The following SPA17 variants were observed in gnomAD, a reference collection of about 807,000 sequenced individuals.
The protein encoded by SPA17 is sperm autoantigenic protein 17, also known as sperm surface protein Sp17.
In SPA17, 7 loss-of-function variants were observed where a neutral mutation model predicts 13.8. That is an observed-to-expected ratio of 0.51 (90% confidence interval 0.29 to 0.95). The LOEUF is 0.95. Ranked by LOEUF, SPA17 falls within the 40% of genes least tolerant of loss-of-function variation. The pLI is 0.08. For missense variants in SPA17, 170 were observed against 179.3 expected (o/e 0.95, Z 0.30); for synonymous variants, 61 against 59.0 (o/e 1.03, Z -0.16).
intron 2 of SPA17, among the ~76,000 whole-genome samples, chr11:124,679,767 A>G (rs1435789050): frequency 6.6e-6 from 1 of 152,206 alleles, no homozygotes; most frequent in Non-Finnish European, 1.5e-5. Flanking sequence ...ACCAGAGAAC[A>G]AGGAAGCTAT....
intron 2 of SPA17, chr11:124,675,719 A>G (rs1471101348): frequency 1.3e-5 from 3 of 238,072 alleles, no homozygotes; most frequent in South Asian, 5.9e-5. Flanking sequence ...TCAGTGGGGG[A>G]AAAAAAGATC....
At chr11:124,677,527 A>G (rs1469330889) in intron 2 of SPA17, among the ~76,000 whole-genome samples, 2 of 152,228 alleles carry the variant, frequency 1.3e-5, no homozygotes, top group African/African-American at 2.4e-5. Flanking sequence ...AAGAAACCAT[A>G]CAGATACTAG....
chr11:124,691,141 C>G (rs1169299963), intron 3 of SPA17, among the ~76,000 whole-genome samples: 1 of 152,028 alleles, frequency 6.6e-6, no homozygotes, highest in African/African-American at 2.4e-5. Flanking sequence ...TGTGAATTAG[C>G]AATGAAGGAA....
chr11:124,677,181 C>T (rs1422550553), intron 2 of SPA17, among the ~76,000 whole-genome samples: 1 of 152,108 alleles, frequency 6.6e-6, no homozygotes, highest in Non-Finnish European at 1.5e-5. Context: ...CACCCAATTC[C>T]ACCCATGTCA....
intron 3 of SPA17, among the ~76,000 whole-genome samples, chr11:124,682,645 CA>C (rs1243088092): frequency 5.9e-5 from 9 of 151,494 alleles, no homozygotes; most frequent in Non-Finnish European, 1.3e-4. Flanking sequence ...CTAAGTGGAA[CA>C]AAAAAATTTT....
rs746710809 is a variant in SPA17 at position 124,675,339 on chromosome 11, C to T, written c.75C>T (p.Arg25=). 4 of 1,614,166 alleles carry T rather than the reference C, an allele frequency of 2.5e-6. No homozygotes were observed. The highest frequency in any genetic ancestry group is 3.4e-6 in the Non-Finnish European group (4 of 1,180,030). Residue 25 remains arginine (R), a synonymous_variant, in exon 2 of 5, where the codon CGC becomes CGT. Coordinates refer to ENST00000227135, the MANE Select transcript of SPA17 (RefSeq NM_017425.4). The part of the protein sequence containing the change: ...GFGNLLEGLT[R]EILREQPDNI... ...GGAATCTTCTTGAAGGGCTGACACGCGAGATTCTGAGAGAGCAACCGGACA... is the reference window on the plus strand; with the variant it reads ...GGAATCTTCTTGAAGGGCTGACACGTGAGATTCTGAGAGAGCAACCGGACA...
At chr11:124,691,892 A>T in intron 4 of SPA17, 110 bp downstream of exon 4, 1 of 607,316 alleles carries the variant, frequency 1.6e-6, no homozygotes, top group South Asian at 4.1e-5. Context: ...CAAAATTATG[A>T]CTTTACTTTC....
Position 124,694,522 on chromosome 11 carries a change from C to T in SPA17, c.*76C>T. On this transcript the variant is annotated 3_prime_UTR_variant, in exon 5 of 5. Coordinates refer to ENST00000227135, the MANE Select transcript of SPA17 (RefSeq NM_017425.4). ...ACCTTCTTATTAATGTCATTTCTTCCTGAGGAAGGAAGATTTGATGTTGTG... is the reference window on the plus strand; with the variant it reads ...ACCTTCTTATTAATGTCATTTCTTCTTGAGGAAGGAAGATTTGATGTTGTG... The T allele has an allele frequency of 6.6e-7, 1 of 1,514,250 alleles. No homozygotes were observed. The highest frequency in any genetic ancestry group is 8.9e-7 in the Non-Finnish European group (1 of 1,126,664). 93.8% of individuals were successfully genotyped at this position (1,514,250 alleles called of 1,614,324 possible). A position where few individuals can be genotyped will look rare whatever the true frequency, so the allele number is the denominator to read the frequency against.
chr11:124,695,547 A>G lies in SPA17; in HGVS notation c.*1101A>G, dbSNP rs1488528326. On this transcript the variant is annotated 3_prime_UTR_variant, in exon 5 of 5. Transcript: ENST00000227135. ...TGATTGTCCAAGAAACTGAGGGTTC[A>G]TGTCTTAGACCAAAGGGTGCAGTTC... 1 of 152,214 alleles carries G rather than the reference A, an allele frequency of 6.6e-6. No individual in the cohort carries two copies. Among genetic ancestry groups the G allele is most frequent in the Non-Finnish European group, 1.5e-5 (1 of 68,042 alleles). The allele number at this position is 152,214 out of a possible 1,614,324, so 9.4% of individuals were successfully genotyped here.
intron 3 of SPA17, among the ~76,000 whole-genome samples, chr11:124,690,691 A>T (rs1943616399): frequency 6.6e-6 from 1 of 152,252 alleles, no homozygotes; most frequent in Admixed American, 6.5e-5. Flanking sequence ...CATTTTTAAG[A>T]GATCACCAGA....
rs747080120 is a variant in SPA17, at chr11:124,681,439, T to C, written c.205T>C (p.Tyr69His). The C allele has an allele frequency of 6.3e-7, 1 of 1,585,784 alleles. No individual in the cohort carries two copies. The highest frequency in any genetic ancestry group is 2.3e-5 in the East Asian group (1 of 43,644). ...GGGGAGTAAGGTAGAAGACCGCTTC[T>C]ATAACAATCATGCATTCGAGGTATG... ...EWGSKVEDRFYNNHAFEEQEP... is the reference protein window; with the variant it reads ...EWGSKVEDRFHNNHAFEEQEP... The change falls in exon 3 of 5, where the codon TAT becomes CAT. Residue 69 changes from tyrosine to histidine, a missense_variant. By Grantham distance (83) the Tyr-to-His change is moderately conservative. Coordinates refer to ENST00000227135, the MANE Select transcript of SPA17 (RefSeq NM_017425.4).
chr11:124,678,974 G>T (rs1012528145), intron 2 of SPA17, among the ~76,000 whole-genome samples: 9 of 151,884 alleles, frequency 5.9e-5, no homozygotes, highest in South Asian at 2.1e-4. Flanking sequence ...CTTGAATTTC[G>T]AATCATAAAA....
chr11:124,675,580 A>G (rs975840850), intron 2 of SPA17, 162 bp downstream of exon 2: 31 of 650,716 alleles, frequency 4.8e-5, no homozygotes, highest in Non-Finnish European at 7.2e-5. Flanking sequence ...CCTCTTTGAT[A>G]TGTTCTCTTA....
intron 3 of SPA17, among the ~76,000 whole-genome samples, chr11:124,688,574 C>A (rs929424152): frequency 2.6e-5 from 4 of 152,072 alleles, no homozygotes; most frequent in African/African-American, 9.7e-5. Flanking sequence ...CTGATGAAAC[C>A]AATTGAAGAT....
chr11:124,691,414 T>C (rs1332402192), intron 3 of SPA17, among the ~76,000 whole-genome samples: 1 of 152,218 alleles, frequency 6.6e-6, no homozygotes, highest in Non-Finnish European at 1.5e-5. Context: ...CAGTGGTTTA[T>C]TTTTAACATA....
At chr11:124,680,539 T>A (rs2134410220) in intron 2 of SPA17, among the ~76,000 whole-genome samples, 1 of 152,314 alleles carries the variant, frequency 6.6e-6, no homozygotes, top group East Asian at 1.9e-4. Flanking sequence ...GTGTGCCCGT[T>A]TTCGGGGTCC....
At chr11:124,678,281 C>T (rs754073815) in intron 2 of SPA17, among the ~76,000 whole-genome samples, 2 of 151,746 alleles carry the variant, frequency 1.3e-5, no homozygotes, top group African/African-American at 2.4e-5. Context: ...GAGTGATTTT[C>T]GGGATATATT....
intron 4 of SPA17, 44 bp downstream of exon 4, chr11:124,691,826 G>T: frequency 7.6e-7 from 1 of 1,320,186 alleles, no homozygotes; most frequent in African/African-American, 1.5e-5. Flanking sequence ...TACAAAGAAT[G>T]ATATTGCCCA....
chr11:124,693,774 G>T (rs1262821666), intron 4 of SPA17, among the ~76,000 whole-genome samples: 1 of 152,042 alleles, frequency 6.6e-6, no homozygotes, highest in Non-Finnish European at 1.5e-5. Context: ...TTAAAAGAGG[G>T]TATGTGCCAA....
Sources: gnomAD v4.1 joint callset for allele counts (sites outside exome capture counted in the v4.1 genomes callset) on GRCh38, gnomAD v4.1.1 for gene constraint, MANE v1.5 for transcripts, NCBI Gene and HGNC (gene_info 2026-07-23, HGNC 2026-07-21) for gene names.